The following PRKAR1A variants were observed in gnomAD, a reference collection of about 807,000 sequenced individuals.
PRKAR1A encodes the protein cAMP-dependent protein kinase type I-alpha regulatory subunit.
Under a neutral mutation model 52.0 loss-of-function variants are expected in PRKAR1A, and 3 were observed. The ratio of observed to expected loss-of-function variants is 0.06; its 90% confidence interval spans 0.03 to 0.15. The LOEUF is 0.15. Among genes scored for constraint, PRKAR1A ranks in the 10% least tolerant of loss-of-function variants. PRKAR1A has a pLI of 1.00. For missense variants in PRKAR1A, 240 were observed against 477.4 expected (o/e 0.50, Z 4.63); for synonymous variants, 188 against 168.4 (o/e 1.12, Z -0.90).
the PRKAR1A span, among the ~76,000 whole-genome samples, chr17:68,430,437 T>C: frequency 6.6e-6 from 1 of 152,222 alleles, no homozygotes; most frequent in African/African-American, 2.4e-5. Flanking sequence ...GCTTATCTGA[T>C]GACTAGTCTG....
chr17:68,529,827 T>G, intron 9 of PRKAR1A, 93 bp from the exon 10 acceptor site: 1 of 1,174,634 alleles, frequency 8.5e-7, no homozygotes, highest in Non-Finnish European at 1.3e-6. Flanking sequence ...ATGCACACAT[T>G]TGCAAGGTAG....
intron 11 of PRKAR1A, chr17:68,539,936 A>G (rs886908446): frequency 1.2e-6 from 2 of 1,614,174 alleles, no homozygotes; most frequent in Non-Finnish European, 1.7e-6. Flanking sequence ...GAACTTGGTG[A>G]ACATCTCATA....
chr17:68,531,181 T>C lies in PRKAR1A; in HGVS notation c.*732T>C. 9.4e-7 allele frequency: 1 copy of C among 1,065,854 alleles called. No individual in the cohort carries two copies. The highest frequency in any genetic ancestry group is 1.1e-6 in the Non-Finnish European group (1 of 879,076). The allele number at this position is 1,065,854 out of a possible 1,614,324, so 66.0% of individuals were successfully genotyped here. A position where few individuals can be genotyped will look rare whatever the true frequency, so the allele number is the denominator to read the frequency against. On this transcript the variant is annotated 3_prime_UTR_variant, in exon 11 of 11. Transcript: ENST00000589228. ...GAAACTAACTCATAGATTGCAAATA[T>C]TGGTTAGTATTTAACTACATCTGCC...
At position 68,533,424 on chromosome 17, in the gene PRKAR1A, A is replaced by C; in HGVS notation, c.*2975A>C. On this transcript the variant is annotated 3_prime_UTR_variant, in exon 11 of 11. Coordinates refer to ENST00000589228, the MANE Select transcript of PRKAR1A (RefSeq NM_002734.5). ...TTTAGAGTCACAATAAAATGTAACTAAAGAAAATTTCTCTGGGTTGACAGT... is the reference window on the plus strand; with the variant it reads ...TTTAGAGTCACAATAAAATGTAACTCAAGAAAATTTCTCTGGGTTGACAGT... The C allele has an allele frequency of 5.7e-6, 6 of 1,056,556 alleles. No homozygotes were observed. The highest frequency in any genetic ancestry group is 6.9e-6 in the Non-Finnish European group (6 of 873,586). 65.4% of individuals were successfully genotyped at this position (1,056,556 alleles called of 1,614,324 possible). A position where few individuals can be genotyped will look rare whatever the true frequency, so the allele number is the denominator to read the frequency against.
the PRKAR1A span, among the ~76,000 whole-genome samples, chr17:68,481,248 T>C: frequency 6.6e-6 from 1 of 152,190 alleles, no homozygotes; most frequent in Non-Finnish European, 1.5e-5. Flanking sequence ...TGGAAGACAA[T>C]TTTTCCATCA....
upstream of PRKAR1A, among the ~76,000 whole-genome samples, chr17:68,507,511 G>A (rs58489712): frequency 0.21 from 32,089 of 152,058 alleles, 3,659 homozygotes; most frequent in South Asian, 0.25. Flanking sequence ...AGGCAGGGAG[G>A]GGGAGAATCA....
the PRKAR1A span, among the ~76,000 whole-genome samples, chr17:68,471,165 A>T: frequency 7.2e-5 from 11 of 152,232 alleles, no homozygotes; most frequent in Admixed American, 3.9e-4. Context: ...AATGTCCATC[A>T]GTAGGGGACA....
upstream of PRKAR1A, among the ~76,000 whole-genome samples, chr17:68,511,318 T>C (rs1021381517): frequency 1.3e-5 from 2 of 152,204 alleles, no homozygotes; most frequent in Admixed American, 6.5e-5. Flanking sequence ...GCCTTCTTTA[T>C]TGAGTTACAG....
At chr17:68,430,806 G>A in the PRKAR1A span, among the ~76,000 whole-genome samples, 5 of 152,212 alleles carry the variant, frequency 3.3e-5, no homozygotes, top group Non-Finnish European at 7.3e-5. Flanking sequence ...CCCACACAGA[G>A]GGTGGCACAT....
At chr17:68,542,872 G>C in intron 11 of PRKAR1A, 1 of 1,312,624 alleles carries the variant, frequency 7.6e-7, no homozygotes, top group African/African-American at 1.4e-5. Context: ...GAGGGGTTTT[G>C]TCCCCCGGCC....
At chr17:68,543,795 G>C (rs1439404905) in intron 11 of PRKAR1A, 3 of 1,296,924 alleles carry the variant, frequency 2.3e-6, no homozygotes, top group Non-Finnish European at 3.3e-6. Context: ...TGATGAGCAT[G>C]ACCAGCGAGA....
At chr17:68,471,456 G>A in the PRKAR1A span, among the ~76,000 whole-genome samples, 1 of 152,334 alleles carries the variant, frequency 6.6e-6, no homozygotes, top group East Asian at 1.9e-4. Flanking sequence ...ACCTTGATGT[G>A]TGGTATGGAC....
Position 68,512,459 on chromosome 17 carries a change from T to C in PRKAR1A, c.-96T>C, listed in dbSNP as rs1301248962. On this transcript the variant is annotated 5_prime_UTR_variant, in exon 1 of 11. Coordinates refer to ENST00000589228, the MANE Select transcript of PRKAR1A (RefSeq NM_002734.5). ...CTGTCGCCTAGCCGCTATCGCAGAG[T>C]GGAGCGGGGCTGGGAGCAAAGCGCT... 2 of 153,102 alleles carry C rather than the reference T, an allele frequency of 1.3e-5. No homozygotes were observed. Among genetic ancestry groups the C allele is most frequent in the African/African-American group, 4.8e-5 (2 of 41,372 alleles). 9.5% of individuals were successfully genotyped at this position (153,102 alleles called of 1,614,324 possible).
intron 11 of PRKAR1A, chr17:68,540,795 C>T: frequency 1.9e-6 from 3 of 1,554,986 alleles, no homozygotes; most frequent in Non-Finnish European, 2.6e-6. Context: ...CACGGGGAAC[C>T]CTAGCCACAT....
chr17:68,469,855 A>T, the PRKAR1A span, among the ~76,000 whole-genome samples: 1 of 152,230 alleles, frequency 6.6e-6, no homozygotes, highest in Non-Finnish European at 1.5e-5. Context: ...ATTATATGTT[A>T]ACATTAATAT....
chr17:68,541,190 G>A (rs1203463978), intron 11 of PRKAR1A: 1 of 543,488 alleles, frequency 1.8e-6, no homozygotes, highest in Non-Finnish European at 3.2e-6. Context: ...CCCATGGTTG[G>A]GATACTGTGT....
downstream of PRKAR1A, chr17:68,535,801 C>G (rs541361357): frequency 2.2e-6 from 1 of 453,538 alleles, no homozygotes; most frequent in Non-Finnish European, 4.4e-6. Context: ...GAGCCCATGC[C>G]CAGCTGATTT....
the PRKAR1A span, among the ~76,000 whole-genome samples, chr17:68,505,077 T>C: frequency 6.6e-6 from 1 of 152,188 alleles, no homozygotes. Flanking sequence ...GCAGGCCTTC[T>C]TGAGCCCAGA....
the PRKAR1A span, among the ~76,000 whole-genome samples, chr17:68,459,965 C>T: frequency 6.6e-6 from 1 of 151,814 alleles, no homozygotes; most frequent in South Asian, 2.1e-4. Context: ...GGACTTCAGG[C>T]CCCCGCCACC....
Sources: gnomAD v4.1 joint callset for allele counts (sites outside exome capture counted in the v4.1 genomes callset) on GRCh38, gnomAD v4.1.1 for gene constraint, MANE v1.5 for transcripts, NCBI Gene and HGNC (gene_info 2026-07-23, HGNC 2026-07-21) for gene names.